Variants in ZCWPW2 observed in about 807,000 individuals in gnomAD.
The protein encoded by ZCWPW2 is zinc finger CW-type PWWP domain protein 2.
In ZCWPW2, 45 loss-of-function variants were observed where a neutral mutation model predicts 46.6. The ratio of observed to expected loss-of-function variants is 0.96; its 90% CI spans 0.76 to 1.24. The LOEUF is 1.24. Among genes scored for constraint, ZCWPW2 ranks in the 50% most tolerant of loss-of-function variants. The pLI, the probability that ZCWPW2 is intolerant of heterozygous loss-of-function variation, is 0.00. For synonymous variants in ZCWPW2, 152 were observed against 137.1 expected (o/e 1.11, Z -0.76); for missense variants, 429 against 403.9 (o/e 1.06, Z -0.53).
chr3:28,492,741 A>C (rs1236780874), intron 6 of ZCWPW2, among the ~76,000 whole-genome samples: 1 of 152,142 alleles, frequency 6.6e-6, no homozygotes, highest in Non-Finnish European at 1.5e-5. Flanking sequence ...GGATAGGATG[A>C]ACCTTGACAT....
At chr3:28,440,421 G>T (rs1697703973) in intron 4 of ZCWPW2, among the ~76,000 whole-genome samples, 1 of 152,186 alleles carries the variant, frequency 6.6e-6, no homozygotes, top group Admixed American at 6.5e-5. Context: ...AGCAGTGATG[G>T]TGAGTGATGC....
Position 28,386,009 on chromosome 3 carries a change from C to A in ZCWPW2, c.-133-4489C>A, listed in dbSNP as rs143977584. ...TTTTTGTTTCTATAGTTATATTTCT[C>A]ATACAATTTATTTGTTTTCTCTTTT... is the stretch of plus-strand genomic sequence containing the variant. On this transcript the variant is annotated intron_variant, in intron 1 of 9. Coordinates refer to ENST00000383768, the MANE Select transcript of ZCWPW2 (RefSeq NM_001040432.4). 2.5e-3 allele frequency among the ~76,000 whole-genome samples: 382 copies of A among 150,608 alleles called. 1 individual carries two copies. Among genetic ancestry groups the A allele is most frequent in the African/African-American group, 8.5e-3 (347 of 40,940 alleles).
chr3:28,412,099 A>T (rs11916970), intron 2 of ZCWPW2, among the ~76,000 whole-genome samples: 3,977 of 152,042 alleles, frequency 0.026, 151 homozygotes, highest in African/African-American at 0.085. Flanking sequence ...AAATTAAAGG[A>T]TTCTTTAAAT....
At chr3:28,468,610 C>G (rs1286266980) in intron 4 of ZCWPW2, among the ~76,000 whole-genome samples, 3 of 152,130 alleles carry the variant, frequency 2.0e-5, no homozygotes, top group African/African-American at 7.2e-5. Flanking sequence ...TCCGATATAC[C>G]TGTCAGCAAA....
intron 2 of ZCWPW2, among the ~76,000 whole-genome samples, chr3:28,400,796 A>C (rs1407156594): frequency 6.6e-6 from 1 of 152,228 alleles, no homozygotes; most frequent in African/African-American, 2.4e-5. Flanking sequence ...AAACGCTCTA[A>C]ATCTTGAAAG....
intron 4 of ZCWPW2, among the ~76,000 whole-genome samples, chr3:28,447,425 A>G (rs1230739768): frequency 6.6e-6 from 1 of 152,128 alleles, no homozygotes; most frequent in East Asian, 1.9e-4. Context: ...TTAATGTAGA[A>G]AAAGTATTTG....
intron 6 of ZCWPW2, among the ~76,000 whole-genome samples, chr3:28,495,745 G>C (rs1241696991): frequency 6.6e-6 from 1 of 151,874 alleles, no homozygotes; most frequent in Non-Finnish European, 1.5e-5. Flanking sequence ...ATCTCAGATA[G>C]ACTGGGGAAA....
At chr3:28,389,908 G>C (rs73825145) in intron 1 of ZCWPW2, among the ~76,000 whole-genome samples, 3,986 of 152,206 alleles carry the variant, frequency 0.026, 153 homozygotes, top group African/African-American at 0.085. Context: ...TCAACCGACT[G>C]AATGAGAACC....
At chr3:28,501,340 C>A (rs1052274906) in intron 6 of ZCWPW2, among the ~76,000 whole-genome samples, 11 of 152,040 alleles carry the variant, frequency 7.2e-5, no homozygotes, top group African/African-American at 2.7e-4. Context: ...TGACTGGGAC[C>A]CTTGTTATTG....
At chr3:28,399,471 C>T (rs1402476927) in intron 2 of ZCWPW2, among the ~76,000 whole-genome samples, 1 of 152,156 alleles carries the variant, frequency 6.6e-6, no homozygotes, top group Non-Finnish European at 1.5e-5. Flanking sequence ...CTGCAGGAGG[C>T]CAACCAGCAC....
At position 28,471,068 on chromosome 3, in the gene ZCWPW2, AC is replaced by A. The variant is rs769513208; in HGVS notation, c.493-7745del. Among the ~76,000 whole-genome samples the A allele has an allele frequency of 1.6e-3, 250 of 152,168 alleles. 5 individuals are homozygous for A. Among genetic ancestry groups the A allele is most frequent in the Non-Finnish European group, 6.8e-4 (46 of 68,022 alleles). On this transcript the variant is annotated intron_variant, in intron 4 of 9. Coordinates refer to ENST00000383768, the MANE Select transcript of ZCWPW2 (RefSeq NM_001040432.4). ...AGATTGCACCACAAAGAAATCCACA[AC>A]TTGAGCAGACCAATAACAAGTAACA...
At position 28,472,877 on chromosome 3, in the gene ZCWPW2, G is replaced by GA. The variant is rs139268181; in HGVS notation, c.493-5927dup. 7.9e-3 allele frequency among the ~76,000 whole-genome samples: 1,147 copies of GA among 144,570 alleles called. 12 individuals carry two copies. Among genetic ancestry groups the GA allele is most frequent in the African/African-American group, 0.025 (980 of 39,550 alleles). 94.8% of individuals were successfully genotyped at this position (144,570 alleles called of 152,430 possible). ...ATAAGAAGCTCAAACAGTTCTATAG[G>GA]AAAAAAAAAACAAACTAATAATCTA... On this transcript the variant is annotated intron_variant, in intron 4 of 9. Transcript: ENST00000383768.
rs572457390 is a variant in ZCWPW2, at chr3:28,363,130, G to A, written c.-134+13927G>A. Among the ~76,000 whole-genome samples the A allele has an allele frequency of 2.7e-3, 414 of 152,110 alleles. 1 individual carries two copies. Among genetic ancestry groups the A allele is most frequent in the Middle Eastern group, 6.8e-3 (2 of 294 alleles). On this transcript the variant is annotated intron_variant, in intron 1 of 9. Coordinates refer to ENST00000383768, the MANE Select transcript of ZCWPW2 (RefSeq NM_001040432.4). Reference sequence around the variant, plus strand: ...CTGTTGGGTACTATGCTTAGTACCCGGCTGAGGAAATAATCTGTACACCAA... The same window carrying A: ...CTGTTGGGTACTATGCTTAGTACCCAGCTGAGGAAATAATCTGTACACCAA...
At chr3:28,422,644 A>G (rs1016300419) in intron 3 of ZCWPW2, among the ~76,000 whole-genome samples, 1 of 152,136 alleles carries the variant, frequency 6.6e-6, no homozygotes, top group African/African-American at 2.4e-5. Flanking sequence ...GGTTACTTCC[A>G]AGTTTTGGCA....
chr3:28,404,954 C>T (rs1696100820), intron 2 of ZCWPW2, among the ~76,000 whole-genome samples: 1 of 152,046 alleles, frequency 6.6e-6, no homozygotes, highest in African/African-American at 2.4e-5. Flanking sequence ...GGTGGGTACA[C>T]CAAAATCTCA....
At chr3:28,439,922 CCTT>C (rs1697679394) in intron 4 of ZCWPW2, among the ~76,000 whole-genome samples, 1 of 152,306 alleles carries the variant, frequency 6.6e-6, no homozygotes, top group African/African-American at 2.4e-5. Flanking sequence ...TTGACAACTA[CCTT>C]CTTCTACTAC....
At chr3:28,417,293 C>A (rs1018686779) in intron 3 of ZCWPW2, among the ~76,000 whole-genome samples, 1 of 152,048 alleles carries the variant, frequency 6.6e-6, no homozygotes, top group African/African-American at 2.4e-5. Context: ...TTGACACATA[C>A]ACCCTCCCAA....
chr3:28,421,200 G>C (rs1333090688), intron 3 of ZCWPW2, among the ~76,000 whole-genome samples: 1 of 152,096 alleles, frequency 6.6e-6, no homozygotes, highest in Non-Finnish European at 1.5e-5. Flanking sequence ...CTGTGCAGAG[G>C]TGAGAGTTCA....
At chr3:28,484,153 C>A (rs776561259) in intron 5 of ZCWPW2, among the ~76,000 whole-genome samples, 24 of 151,840 alleles carry the variant, frequency 1.6e-4, no homozygotes, top group Non-Finnish European at 2.2e-4. Flanking sequence ...AAGTTCCCGT[C>A]CTCCTTGTTT....
Sources: allele counts gnomAD v4.1 joint callset (sites outside exome capture counted in the v4.1 genomes callset), GRCh38; gene constraint gnomAD v4.1.1; transcripts MANE v1.5; gene names NCBI Gene and HGNC (gene_info 2026-07-23, HGNC 2026-07-21).